DNAI2: variants seen among roughly 807,000 people sequenced by gnomAD.
The protein encoded by DNAI2 is dynein, axonemal, intermediate polypeptide 2.
Under a neutral mutation model 74.7 loss-of-function variants are expected in DNAI2, and 63 were observed. The ratio of observed to expected loss-of-function variants is 0.84; its 90% CI spans 0.69 to 1.04. The LOEUF (loss-of-function observed/expected upper bound fraction) is 1.04. Ranked by LOEUF, DNAI2 falls within the 50% of genes least tolerant of loss-of-function variation. DNAI2 has a pLI of 0.00. For missense variants in DNAI2, 688 were observed against 803.2 expected, an observed-to-expected ratio of 0.86 and a Z score of 1.73; for synonymous variants, 289 against 314.9, an observed-to-expected ratio of 0.92 and a Z score of 0.87.
At chr17:74,289,571 G>T (rs1168474845) in intron 4 of DNAI2, 23 bp from the exon 5 acceptor site, 2 of 1,612,220 alleles carry the variant, frequency 1.2e-6, no homozygotes, top group East Asian at 2.2e-5. Context: ...CCAGCCTTCT[G>T]CTCTCTTCCC....
intron 6 of DNAI2, among the ~76,000 whole-genome samples, chr17:74,293,183 G>A (rs1172812423): frequency 1.3e-5 from 2 of 151,994 alleles, no homozygotes; most frequent in African/African-American, 4.8e-5. Context: ...CTATAGTGTT[G>A]GTCAAGACTT....
At position 74,279,962 on chromosome 17, in the gene DNAI2, C is replaced by T. The variant is rs538488206; in HGVS notation, c.-11-1845C>T. ...CTAAGGCTCTGTGCAACCCCAGGAG[C>T]CTTGCACAGATCCTCAATCTGAGCC... On this transcript the variant is annotated intron_variant, in intron 1 of 13. Transcript: ENST00000311014. Among the ~76,000 whole-genome samples, 8 of 152,324 alleles carry T rather than the reference C, an allele frequency of 5.3e-5. No individual in the cohort carries two copies. In the South Asian group the frequency reaches 1.7e-3, roughly 32 times the overall value.
At chr17:74,280,435 C>A (rs1006141311) in intron 1 of DNAI2, among the ~76,000 whole-genome samples, 2 of 152,212 alleles carry the variant, frequency 1.3e-5, no homozygotes, top group African/African-American at 4.8e-5. Context: ...TGCTGTGTCC[C>A]ATGACCAGTA....
chr17:74,310,436 AG>A (rs1339996922), intron 11 of DNAI2, among the ~76,000 whole-genome samples: 1 of 151,284 alleles, frequency 6.6e-6, no homozygotes, highest in African/African-American at 2.4e-5. Context: ...CGACTTGGTC[AG>A]TTTGTCTAGT....
At position 74,300,263 on chromosome 17, in the gene DNAI2, A is replaced by G. The variant is rs2052685762; in HGVS notation, c.864+406A>G. Among the ~76,000 whole-genome samples the G allele has an allele frequency of 6.6e-6, 1 of 152,156 alleles. No individual in the cohort carries two copies. On this transcript the variant is annotated intron_variant, in intron 7 of 13. Transcript: ENST00000311014. The surrounding 1 kb of genome is among the most constrained non-coding windows in gnomAD (Gnocchi z 4.5). ...CGCCCAGCCTAACACTTTATTTTTA[A>G]GTTGAGTAGTGATAATACATGCCCA...
chr17:74,313,469 C>T (rs1338707184), intron 12 of DNAI2, among the ~76,000 whole-genome samples: 1 of 152,158 alleles, frequency 6.6e-6, no homozygotes, highest in Non-Finnish European at 1.5e-5. Context: ...TCCCACTCAC[C>T]ACTCCTGGCC....
chr17:74,310,115 G>A lies in DNAI2; in HGVS notation c.1446G>A (p.Ser482=), dbSNP rs368217836. 1.1e-5 allele frequency: 18 copies of A among 1,613,778 alleles called. No individual in the cohort carries two copies. Among genetic ancestry groups the A allele is most frequent in the East Asian group, 2.2e-5 (1 of 44,882 alleles). The part of the protein sequence containing the change: ...QLGTTTLLEV[S]PGLSTLQRNE... ...GGACAACCACCCTGCTGGAGGTCTCGCCTGGGCTCTCTACCCTCCAGAGGA... is the reference window on the plus strand; with the variant it reads ...GGACAACCACCCTGCTGGAGGTCTCACCTGGGCTCTCTACCCTCCAGAGGA... The change falls in exon 11 of 14, where the codon TCG becomes TCA. Residue 482 remains serine, a synonymous_variant. Transcript: ENST00000311014.
chr17:74,305,143 A>C, intron 8 of DNAI2, 76 bp from the exon 9 acceptor site: 1 of 1,509,376 alleles, frequency 6.6e-7, no homozygotes, highest in South Asian at 1.1e-5. Flanking sequence ...CCCCCAAGCA[A>C]GCTCCTGTCC....
chr17:74,300,773 C>T lies in DNAI2; in HGVS notation c.865-273C>T, dbSNP rs1174896446. On this transcript the variant is annotated intron_variant, in intron 7 of 13. Transcript: ENST00000311014. This position sits in a 1 kb window ranked among gnomAD's most constrained non-coding sequence, Gnocchi z 4.5. ...GTCTTGGCATATACCGATTCTTGGC[C>T]TTGCACCTGGAGGTTTTGATTCAGT... Among the ~76,000 whole-genome samples, 1 of 152,172 alleles carries T rather than the reference C, an allele frequency of 6.6e-6. No homozygotes were observed. Among genetic ancestry groups the T allele is most frequent in the Non-Finnish European group, 1.5e-5 (1 of 68,036 alleles).
At chr17:74,287,347 C>T (rs1351879415) in intron 4 of DNAI2, among the ~76,000 whole-genome samples, 1 of 152,198 alleles carries the variant, frequency 6.6e-6, no homozygotes, top group Non-Finnish European at 1.5e-5. Flanking sequence ...ACAGGTGGGG[C>T]ATGTTCCTGC....
Position 74,309,324 on chromosome 17 carries a change from T to C in DNAI2, c.1283T>C (p.Met428Thr). Residue 428 changes from methionine to threonine, a missense_variant, in exon 10 of 14, where the codon ATG becomes ACG. By Grantham distance (81) the Met-to-Thr change is moderately conservative. Coordinates refer to ENST00000311014, the MANE Select transcript of DNAI2 (RefSeq NM_023036.6). ...CCGACCGTTTTCTTTACCACCAGGA[T>C]GGACGGAACCCTGGATATCTGGGAC... ...VRPTVFFTTRMDGTLDIWDFM... is the reference protein window; with the variant it reads ...VRPTVFFTTRTDGTLDIWDFM... 1.2e-6 allele frequency: 2 copies of C among 1,614,146 alleles called. No individual in the cohort carries two copies. The highest frequency in any genetic ancestry group is 1.7e-6 in the Non-Finnish European group (2 of 1,180,016).
intron 8 of DNAI2, among the ~76,000 whole-genome samples, chr17:74,301,629 C>A (rs2052770171): frequency 6.6e-6 from 1 of 151,212 alleles, no homozygotes; most frequent in Admixed American, 6.6e-5. Context: ...CCTTGGAAAA[C>A]CAGAGCACAA....
In DNAI2 at chr17:74,310,172, C is replaced by T. The variant is rs1255545139; in HGVS notation, c.1494+9C>T. ...AGAACGTAGCCTCTTCCGTAAGCACCGGGTGCCTGGGGAAAATCCCTCCAG... is the reference window on the plus strand; with the variant it reads ...AGAACGTAGCCTCTTCCGTAAGCACTGGGTGCCTGGGGAAAATCCCTCCAG... On this transcript the variant is annotated intron_variant, in intron 11 of 13. Coordinates refer to ENST00000311014, the MANE Select transcript of DNAI2 (RefSeq NM_023036.6). 15 of 1,612,856 alleles carry T rather than the reference C, an allele frequency of 9.3e-6. No homozygotes were observed. The Middle Eastern group carries it at 4.9e-4, about 53-fold the overall frequency.
At chr17:74,278,496 C>T (rs1003478722) in intron 1 of DNAI2, among the ~76,000 whole-genome samples, 3 of 152,262 alleles carry the variant, frequency 2.0e-5, no homozygotes, top group African/African-American at 2.4e-5. Context: ...GCAGGAAGCA[C>T]GCCTGGAAAC....
chr17:74,289,534 AGGG>A (rs988796867), intron 4 of DNAI2, 57 bp from the exon 5 acceptor site: 53 of 1,452,444 alleles, frequency 3.6e-5, no homozygotes, highest in Non-Finnish European at 4.9e-5. Flanking sequence ...AAAAAAAAAA[AGGG>A]GGAGAAATTG....
intron 9 of DNAI2, chr17:74,307,406 G>A (rs961976308): frequency 3.0e-5 from 13 of 428,776 alleles, no homozygotes; most frequent in African/African-American, 2.6e-4. Flanking sequence ...GTGGGCTAAT[G>A]CCTGTAATCC....
At chr17:74,311,061 A>G (rs2053493094) in intron 11 of DNAI2, among the ~76,000 whole-genome samples, 1 of 151,676 alleles carries the variant, frequency 6.6e-6, no homozygotes, top group East Asian at 2.0e-4. Flanking sequence ...TTTTGTAGAG[A>G]CAGGGTCTCC....
rs141008082 is a variant in DNAI2, at chr17:74,282,987, C to T, written c.183+987C>T. ...TGGTGTAGCCAATAAGCAGAATGGC[C>T]GCTATGTGGGCCACACCCTGGGGGC... On this transcript the variant is annotated intron_variant, in intron 2 of 13. Transcript: ENST00000311014. Among the ~76,000 whole-genome samples the T allele has an allele frequency of 4.0e-3, 604 of 152,340 alleles. 8 individuals are homozygous for T. Among genetic ancestry groups the T allele is most frequent in the African/African-American group, 0.013 (561 of 41,572 alleles).
intron 6 of DNAI2, among the ~76,000 whole-genome samples, chr17:74,293,024 G>A (rs1250141259): frequency 1.3e-5 from 2 of 151,632 alleles, no homozygotes; most frequent in African/African-American, 2.4e-5. Flanking sequence ...TAGTAGAGAC[G>A]GGGTTTCACC....
Sources: gnomAD v4.1 joint callset for allele counts (sites outside exome capture counted in the v4.1 genomes callset) on GRCh38, gnomAD v4.1.1 for gene constraint, Gnocchi (gnomAD v3.1) non-coding constraint, MANE v1.5 for transcripts, NCBI Gene and HGNC (gene_info 2026-07-23, HGNC 2026-07-21) for gene names.